TAF4B: variants seen among roughly 807,000 people sequenced by gnomAD.
TAF4B encodes the protein transcription initiation factor TFIID subunit 4B.
TAF4B carries 38 observed loss-of-function variants against 86.4 expected under a neutral mutation model. That is an observed-to-expected ratio of 0.44 (90% CI 0.34 to 0.58). The LOEUF is 0.58. Among genes scored for constraint, TAF4B ranks in the 20% least tolerant of loss-of-function variants. TAF4B has a pLI of 0.02. For synonymous variants in TAF4B, 388 were observed against 391.2 expected (o/e 0.99, Z 0.10); for missense variants, 988 against 1,027.6 (o/e 0.96, Z 0.53).
intron 14 of TAF4B, among the ~76,000 whole-genome samples, chr18:26,382,916 G>A (rs1978298558): frequency 6.6e-6 from 1 of 152,184 alleles, no homozygotes. Context: ...CCTGGGGTAA[G>A]TTTGTGTTTG....
At chr18:26,361,206 C>T (rs1039430701) in intron 14 of TAF4B, among the ~76,000 whole-genome samples, 1 of 151,982 alleles carries the variant, frequency 6.6e-6, no homozygotes, top group Non-Finnish European at 1.5e-5. Flanking sequence ...AACAATTCTC[C>T]ATTTCTGTGC....
chr18:26,243,365 G>C (rs1230016563), intron 1 of TAF4B, among the ~76,000 whole-genome samples: 1 of 151,918 alleles, frequency 6.6e-6, no homozygotes, highest in Non-Finnish European at 1.5e-5. Flanking sequence ...CTTTCTTCCA[G>C]TTGATCGAAT....
intron 9 of TAF4B, among the ~76,000 whole-genome samples, chr18:26,302,285 CT>C (rs1386823843): frequency 6.6e-6 from 1 of 150,696 alleles, no homozygotes; most frequent in Non-Finnish European, 1.5e-5. Context: ...ATGATTAATA[CT>C]TATGCCTTAT....
At chr18:26,293,719 T>C (rs2056626159) in intron 9 of TAF4B, among the ~76,000 whole-genome samples, 188 bp downstream of exon 9, 1 of 152,188 alleles carries the variant, frequency 6.6e-6, no homozygotes, top group South Asian at 2.1e-4. Context: ...GTGAATTTTG[T>C]CAAATATATA....
chr18:26,327,378 T>G (rs1487095133), intron 12 of TAF4B, among the ~76,000 whole-genome samples: 1 of 152,210 alleles, frequency 6.6e-6, no homozygotes, highest in African/African-American at 2.4e-5. Context: ...CTCCCCATCC[T>G]CAAACCCAGG....
intron 1 of TAF4B, among the ~76,000 whole-genome samples, chr18:26,257,931 C>A (rs1411460049): frequency 6.7e-6 from 1 of 149,636 alleles, no homozygotes; most frequent in Non-Finnish European, 1.5e-5. Context: ...ACAAACCCAA[C>A]AATTATTATG....
chr18:26,352,376 C>T (rs1483706396), intron 13 of TAF4B, among the ~76,000 whole-genome samples: 1 of 151,688 alleles, frequency 6.6e-6, no homozygotes, highest in East Asian at 1.9e-4. Context: ...TAAACTTCTT[C>T]CTTGAGAAAT....
chr18:26,344,025 A>G (rs1035880798), intron 13 of TAF4B, among the ~76,000 whole-genome samples: 1 of 152,220 alleles, frequency 6.6e-6, no homozygotes, highest in African/African-American at 2.4e-5. Flanking sequence ...CAAATTATAA[A>G]CACTCTTGAA....
chr18:26,295,945 G>A (rs1004853354), intron 9 of TAF4B, among the ~76,000 whole-genome samples: 9 of 151,612 alleles, frequency 5.9e-5, no homozygotes, highest in African/African-American at 2.2e-4. Context: ...TTTGGAAAAC[G>A]TTCTTGGAGT....
At chr18:26,373,473 T>C (rs1324393772) in intron 14 of TAF4B, among the ~76,000 whole-genome samples, 1 of 152,180 alleles carries the variant, frequency 6.6e-6, no homozygotes, top group Non-Finnish European at 1.5e-5. Flanking sequence ...TTAAAATGTT[T>C]ATATTAATCA....
intron 12 of TAF4B, among the ~76,000 whole-genome samples, chr18:26,328,662 C>G (rs1739956412): frequency 6.6e-6 from 1 of 152,082 alleles, no homozygotes; most frequent in Admixed American, 6.5e-5. Flanking sequence ...CTCTGTAGCT[C>G]AAGCTAGAGT....
In TAF4B at chr18:26,335,164, T is replaced by C; in HGVS notation, c.2260-11T>C. ...AGTAATTTCTATTAAAATTTTCTTT[T>C]CCTTTGATAGAGTCGTTCTAATAAA... On this transcript the variant is annotated splice_polypyrimidine_tract_variant and intron_variant, in intron 12 of 14. Coordinates refer to ENST00000269142, the MANE Select transcript of TAF4B (RefSeq NM_005640.3). The C allele has an allele frequency of 1.2e-6, 2 of 1,607,264 alleles. No individual in the cohort carries two copies. Among genetic ancestry groups the C allele is most frequent in the Non-Finnish European group, 8.5e-7 (1 of 1,174,674 alleles).
Position 26,271,126 on chromosome 18 carries a change from A to T in TAF4B, c.597+3503A>T, listed in dbSNP as rs546222687. ...CTCAGTTTTAGGCATGGAAATAAGG[A>T]GCTAGAACTTAAAAATGAGAGAAGA... On this transcript the variant is annotated intron_variant, in intron 3 of 14. Transcript: ENST00000269142. Among the ~76,000 whole-genome samples, 3 of 152,344 alleles carry T rather than the reference A, an allele frequency of 2.0e-5. No individual in the cohort carries two copies. In the East Asian group the frequency reaches 5.8e-4, roughly 29 times the overall value.
intron 13 of TAF4B, among the ~76,000 whole-genome samples, chr18:26,353,887 T>C (rs2144728744): frequency 6.6e-6 from 1 of 152,328 alleles, no homozygotes; most frequent in East Asian, 1.9e-4. Flanking sequence ...CTCTTATAGA[T>C]ATGCATTAGG....
rs1286631568 is a variant in TAF4B at position 26,357,761 on chromosome 18, A to G, written c.2388A>G (p.Pro796=). ...ANLTALAAIG[P]RKKRPLESGI... ...TCACAGCTCTTGCAGCTATTGGACC[A>G]AGGAAGAAGAGACCACTAGAATCTG... The change falls in exon 14 of 15, where the codon CCA becomes CCG. Residue 796 remains proline, a synonymous_variant. Coordinates refer to ENST00000269142, the MANE Select transcript of TAF4B (RefSeq NM_005640.3). 6.2e-7 allele frequency: 1 copy of G among 1,612,612 alleles called. No homozygotes were observed. The highest frequency in any genetic ancestry group is 1.1e-5 in the South Asian group (1 of 90,786).
intron 7 of TAF4B, among the ~76,000 whole-genome samples, chr18:26,287,353 T>G (rs2056536624): frequency 1.3e-5 from 2 of 152,148 alleles, no homozygotes; most frequent in South Asian, 4.1e-4. Flanking sequence ...TTTATTATAT[T>G]GTAATGTTTT....
intron 14 of TAF4B, among the ~76,000 whole-genome samples, chr18:26,361,311 A>G (rs2057327977): frequency 7.0e-6 from 1 of 142,190 alleles, no homozygotes; most frequent in Non-Finnish European, 1.5e-5. Flanking sequence ...TTTTTTAGAG[A>G]CAAGGGTCTC....
intron 9 of TAF4B, among the ~76,000 whole-genome samples, chr18:26,308,930 A>G (rs2056825697): frequency 6.6e-6 from 1 of 151,206 alleles, no homozygotes; most frequent in African/African-American, 2.4e-5. Context: ...GAACATGAAT[A>G]TAGGAAAGAG....
At chr18:26,375,829 T>C (rs2057438981) in intron 14 of TAF4B, among the ~76,000 whole-genome samples, 1 of 152,210 alleles carries the variant, frequency 6.6e-6, no homozygotes, top group Non-Finnish European at 1.5e-5. Flanking sequence ...AGGAGTTTTA[T>C]AGTTTTAGCT....
Sources: allele counts gnomAD v4.1 joint callset (sites outside exome capture counted in the v4.1 genomes callset), GRCh38; gene constraint gnomAD v4.1.1; transcripts MANE v1.5; gene names NCBI Gene and HGNC (gene_info 2026-07-23, HGNC 2026-07-21).